The following LAMC2 variants were observed in gnomAD, a reference collection of about 807,000 sequenced individuals.
LAMC2 encodes the protein laminin subunit gamma 2, also known as laminin subunit gamma-2.
LAMC2 carries 97 observed loss-of-function variants against 140.2 expected under a neutral mutation model. The ratio of observed to expected loss-of-function variants is 0.69; its 90% CI spans 0.59 to 0.82. The LOEUF is 0.82. Among genes scored for constraint, LAMC2 ranks in the 40% least tolerant of loss-of-function variants. The probability of loss-of-function intolerance (pLI) is 0.00; values close to 1 mark genes in which losing one functional copy is unlikely to be tolerated. For synonymous variants in LAMC2, 513 were observed against 540.2 expected (o/e 0.95, Z 0.70); for missense variants, 1,402 against 1,476.1 (o/e 0.95, Z 0.82).
At chr1:183,217,753 G>C (rs538533585) in intron 3 of LAMC2, among the ~76,000 whole-genome samples, 1 of 152,322 alleles carries the variant, frequency 6.6e-6, no homozygotes, top group East Asian at 1.9e-4. Flanking sequence ...GGAGGGAAGA[G>C]ATGTGGCAGG....
At chr1:183,253,736 T>C in the LAMC2 span, among the ~76,000 whole-genome samples, 1 of 152,168 alleles carries the variant, frequency 6.6e-6, no homozygotes, top group African/African-American at 2.4e-5. Flanking sequence ...CTGGTAATCA[T>C]TGTTTTATTC....
chr1:183,235,500 C>A, intron 15 of LAMC2, 75 bp from the exon 16 acceptor site: 1 of 1,539,586 alleles, frequency 6.5e-7, no homozygotes, highest in Non-Finnish European at 8.9e-7. Flanking sequence ...TACTCTTTGC[C>A]CTTCGTGTAA....
intron 1 of LAMC2, among the ~76,000 whole-genome samples, chr1:183,187,247 C>T (rs1279869688): frequency 6.6e-6 from 1 of 152,152 alleles, no homozygotes; most frequent in African/African-American, 2.4e-5. Context: ...GGTCCAAGAC[C>T]AAGAGCCATT....
rs763850397 is a variant in LAMC2 at position 183,243,214 on chromosome 1, C to G, written c.3396C>G (p.Thr1132=). 2 of 1,614,040 alleles carry G rather than the reference C, an allele frequency of 1.2e-6. No homozygotes were observed. Among genetic ancestry groups the G allele is most frequent in the Non-Finnish European group, 8.5e-7 (1 of 1,180,006 alleles). The change falls in exon 23 of 23, where the codon ACC becomes ACG. Residue 1132 remains threonine (T), a synonymous_variant. Transcript: ENST00000264144. ...LLEQKLSRAK[T]QINSQLRPMM... ...AGCAGAAGCTTTCCCGAGCCAAGAC[C>G]CAGATCAACAGCCAACTGCGGCCCA...
chr1:183,216,976 C>T (rs533820211), intron 3 of LAMC2, among the ~76,000 whole-genome samples: 5 of 152,214 alleles, frequency 3.3e-5, no homozygotes, highest in African/African-American at 9.6e-5. Context: ...ATGCTGAATA[C>T]GTGTTTGTCA....
rs201427031 is a variant in LAMC2 at position 183,236,621 on chromosome 1, T to C, written c.2601+17T>C. The C allele has an allele frequency of 3.2e-4, 518 of 1,614,010 alleles. 2 individuals are homozygous for C. In the African/African-American group the frequency reaches 5.9e-3, roughly 18 times the overall value. On this transcript the variant is annotated intron_variant, in intron 17 of 22. Transcript: ENST00000264144. ...TCCTTTCAGGTGAGGGCATCTGGCC[T>C]GTGTGCTTGATATACAGGAGGGCCA...
chr1:183,218,934 G>A (rs1198099600), intron 4 of LAMC2, among the ~76,000 whole-genome samples: 4 of 152,238 alleles, frequency 2.6e-5, no homozygotes, highest in Admixed American at 2.6e-4. Context: ...ATCGTGTACA[G>A]AAGAGGCACT....
chr1:183,192,960 C>T (rs1164942810), intron 1 of LAMC2, among the ~76,000 whole-genome samples: 1 of 152,232 alleles, frequency 6.6e-6, no homozygotes, highest in Non-Finnish European at 1.5e-5. Flanking sequence ...CCGCCTCGGC[C>T]TCCCAAAGTG....
intron 1 of LAMC2, among the ~76,000 whole-genome samples, chr1:183,189,424 T>TA (rs1658254918): frequency 6.6e-6 from 1 of 152,078 alleles, no homozygotes; most frequent in Non-Finnish European, 1.5e-5. Context: ...ACCCCACCTC[T>TA]AGGAGGCTAA....
chr1:183,199,298 T>A (rs111585866), intron 1 of LAMC2, among the ~76,000 whole-genome samples: 5,893 of 151,986 alleles, frequency 0.039, 151 homozygotes, highest in South Asian at 0.11. Flanking sequence ...GAGATGGGGT[T>A]TCACTATGTT....
chr1:183,243,020 C>A, intron 22 of LAMC2, 127 bp from the exon 23 acceptor site: 1 of 991,812 alleles, frequency 1.0e-6, no homozygotes, highest in Admixed American at 2.1e-5. Context: ...CTTTAAAATT[C>A]ATGGTATACT....
At chr1:183,250,734 T>TTTCC in the LAMC2 span, 1 of 152,646 alleles carries the variant, frequency 6.6e-6, no homozygotes, top group Admixed American at 6.5e-5. Context: ...AAAATAGGAT[T>TTTCC]TTCCTTCCTT....
chr1:183,254,067 C>T, the LAMC2 span, among the ~76,000 whole-genome samples: 1 of 152,108 alleles, frequency 6.6e-6, no homozygotes, highest in Non-Finnish European at 1.5e-5. Flanking sequence ...GATACCTTTA[C>T]AAGGTGGTGA....
At chr1:183,192,086 C>T (rs1007506212) in intron 1 of LAMC2, among the ~76,000 whole-genome samples, 5 of 152,174 alleles carry the variant, frequency 3.3e-5, no homozygotes, top group Non-Finnish European at 5.9e-5. Flanking sequence ...CAAAAAGCAT[C>T]TGCTTCTTTA....
chr1:183,189,839 C>T (rs10911273), intron 1 of LAMC2, among the ~76,000 whole-genome samples: 19,130 of 152,142 alleles, frequency 0.13, 3,502 homozygotes, highest in African/African-American at 0.41. Context: ...TGGATTTAGC[C>T]GTCAGGTGAG....
downstream of LAMC2, chr1:183,249,452 A>C (rs1558103377): frequency 6.6e-6 from 1 of 152,200 alleles, no homozygotes; most frequent in Admixed American, 6.5e-5. Context: ...GTTCCAGTCC[A>C]TGCCTTTCTC....
chr1:183,198,080 G>A (rs2102176997), intron 1 of LAMC2, among the ~76,000 whole-genome samples: 1 of 151,848 alleles, frequency 6.6e-6, no homozygotes, highest in South Asian at 2.1e-4. Context: ...GGAAACACAG[G>A]GCACATCCCT....
chr1:183,186,566 C>G (rs1389807643), intron 1 of LAMC2, 135 bp downstream of exon 1: 1 of 859,686 alleles, frequency 1.2e-6, no homozygotes, highest in East Asian at 2.8e-5. Flanking sequence ...CTTCTCCTCC[C>G]CTATCTGGGG....
At chr1:183,236,313 T>G in intron 16 of LAMC2, 147 bp from the exon 17 acceptor site, 1 of 718,960 alleles carries the variant, frequency 1.4e-6, no homozygotes. Context: ...TGCTTGAGCG[T>G]GGGAGGATGA....
Sources: gnomAD v4.1 joint callset for allele counts (sites outside exome capture counted in the v4.1 genomes callset) on GRCh38, gnomAD v4.1.1 for gene constraint, MANE v1.5 for transcripts, NCBI Gene and HGNC (gene_info 2026-07-23, HGNC 2026-07-21) for gene names.